The following ADARB2 variants were observed in gnomAD, a reference collection of about 807,000 sequenced individuals.
ADARB2 encodes inactive double-stranded RNA-specific editase B2.
ADARB2 carries 25 observed loss-of-function variants against 62.2 expected under a neutral mutation model. The observed-to-expected ratio is 0.40, with a 90% CI of 0.29 to 0.56. The LOEUF is 0.56. ADARB2 is among the 20% of genes least tolerant of loss of function. The pLI is 0.43. For synonymous variants in ADARB2, 572 were observed against 500.8 expected (o/e 1.14, Z -1.90); for missense variants, 1,071 against 1,077.4 (o/e 0.99, Z 0.08).
At chr10:1,488,653 C>G (rs2131929943) in intron 1 of ADARB2, among the ~76,000 whole-genome samples, 1 of 152,248 alleles carries the variant, frequency 6.6e-6, no homozygotes, top group East Asian at 1.9e-4. Context: ...AAAGGGAGGA[C>G]TTTTCTTTTT....
intron 1 of ADARB2, among the ~76,000 whole-genome samples, chr10:1,672,568 C>G (rs549511710): frequency 9.2e-4 from 140 of 152,280 alleles, no homozygotes; most frequent in Non-Finnish European, 1.8e-3. Flanking sequence ...TGCCTCCCCC[C>G]ATGCACGCGC....
intron 1 of ADARB2, among the ~76,000 whole-genome samples, chr10:1,435,548 C>G (rs1830826535): frequency 6.6e-6 from 1 of 152,222 alleles, no homozygotes. Context: ...CAGCCCTGGA[C>G]TGAGCCTGCC....
intron 1 of ADARB2, chr10:1,675,045 G>A (rs1834446728): frequency 1.0e-6 from 1 of 984,760 alleles, no homozygotes; most frequent in Non-Finnish European, 1.2e-6. Flanking sequence ...GGAGGTTTGG[G>A]TTTGGGGGTA....
intron 1 of ADARB2, among the ~76,000 whole-genome samples, chr10:1,670,886 G>C (rs1834375953): frequency 6.6e-6 from 1 of 152,086 alleles, no homozygotes; most frequent in African/African-American, 2.4e-5. Flanking sequence ...CCAGACAATG[G>C]GGAACTCAGA....
At chr10:1,596,356 A>T (rs973037160) in intron 1 of ADARB2, among the ~76,000 whole-genome samples, 1 of 152,194 alleles carries the variant, frequency 6.6e-6, no homozygotes, top group African/African-American at 2.4e-5. Flanking sequence ...GTATAAAGAA[A>T]ATCTTCCATG....
At chr10:1,366,367 G>A (rs759149482) in intron 2 of ADARB2, among the ~76,000 whole-genome samples, 3 of 152,282 alleles carry the variant, frequency 2.0e-5, no homozygotes, top group Middle Eastern at 3.4e-3. Flanking sequence ...ATGGCCCCAC[G>A]ACCTGCTGGG....
intron 1 of ADARB2, among the ~76,000 whole-genome samples, chr10:1,579,994 G>A (rs17156544): frequency 0.19 from 28,428 of 152,118 alleles, 3,155 homozygotes; most frequent in East Asian, 0.38. Flanking sequence ...CCCTGTTCAC[G>A]AAAACAGTCT....
At chr10:1,573,090 T>C (rs1832962260) in intron 1 of ADARB2, among the ~76,000 whole-genome samples, 1 of 152,188 alleles carries the variant, frequency 6.6e-6, no homozygotes, top group Non-Finnish European at 1.5e-5. Flanking sequence ...AGAACAGGGC[T>C]TTGGGCTTCA....
chr10:1,442,301 T>G (rs1830916711), intron 1 of ADARB2, among the ~76,000 whole-genome samples: 1 of 152,224 alleles, frequency 6.6e-6, no homozygotes, highest in African/African-American at 2.4e-5. Context: ...AATTTCTCCC[T>G]GGTTAGGTCT....
In ADARB2 at chr10:1,439,754, A is replaced by G. The variant is rs1435468763; in HGVS notation, c.101-60594T>C. On this transcript the variant is annotated intron_variant, in intron 1 of 9. Transcript: ENST00000381312. ...AGCAGATGGAGGCAGGTCCTTCATC[A>G]TGGGGCTCCTGAGTGTCCCCCAGGA... is the stretch of plus-strand genomic sequence containing the variant. Among the ~76,000 whole-genome samples, 5 of 139,216 alleles carry G rather than the reference A, an allele frequency of 3.6e-5. 1 individual carries two copies. The East Asian group carries it at 1.1e-3, about 30-fold the overall frequency. 91.3% of individuals were successfully genotyped at this position (139,216 alleles called of 152,430 possible).
chr10:1,408,359 C>T (rs936906656), intron 1 of ADARB2, among the ~76,000 whole-genome samples: 2 of 151,696 alleles, frequency 1.3e-5, no homozygotes, highest in Non-Finnish European at 2.9e-5. Flanking sequence ...TGTGTAGATA[C>T]GTGCTCACAT....
chr10:1,435,238 A>G (rs1479822723), intron 1 of ADARB2, among the ~76,000 whole-genome samples: 2 of 152,216 alleles, frequency 1.3e-5, no homozygotes, highest in Non-Finnish European at 2.9e-5. Context: ...GCAGGAGCTC[A>G]GACAGGTGTT....
intron 1 of ADARB2, among the ~76,000 whole-genome samples, chr10:1,616,462 T>C (rs1471604627): frequency 6.6e-6 from 1 of 151,302 alleles, no homozygotes; most frequent in Admixed American, 6.6e-5. Flanking sequence ...TGTGTGCCCG[T>C]CCAGACACAC....
At chr10:1,681,228 T>C (rs1157277990) in intron 1 of ADARB2, among the ~76,000 whole-genome samples, 1 of 152,224 alleles carries the variant, frequency 6.6e-6, no homozygotes, top group African/African-American at 2.4e-5. Flanking sequence ...AGAAAAAGTT[T>C]ACCTTGTAGT....
Position 1,306,597 on chromosome 10 carries a change from G to A in ADARB2, c.1078-35528C>T, listed in dbSNP as rs74477098. 2.8e-3 allele frequency among the ~76,000 whole-genome samples: 416 copies of A among 148,802 alleles called. 11 individuals are homozygous for A. Among genetic ancestry groups the A allele is most frequent in the Admixed American group, 0.02 (300 of 14,800 alleles). ...ATGGAACCAAAAAAGAGCCCGCATC[G>A]CTAAGTCAATCCTAAGCCAAAAGAA... is the stretch of plus-strand genomic sequence containing the variant. On this transcript the variant is annotated intron_variant, in intron 3 of 9. Transcript: ENST00000381312.
At chr10:1,335,237 G>C (rs78822257) in intron 3 of ADARB2, among the ~76,000 whole-genome samples, 1 of 150,696 alleles carries the variant, frequency 6.6e-6, no homozygotes, top group African/African-American at 2.5e-5. Context: ...GATGGAAGGA[G>C]GGATGGAGGG....
intron 1 of ADARB2, among the ~76,000 whole-genome samples, chr10:1,699,224 G>T (rs1834789619): frequency 6.6e-6 from 1 of 151,132 alleles, no homozygotes. Context: ...TCTACCAGGA[G>T]ACCAGGCGCT....
intron 4 of ADARB2, among the ~76,000 whole-genome samples, chr10:1,265,502 G>A (rs560058201): frequency 1.1e-4 from 16 of 152,376 alleles, no homozygotes; most frequent in African/African-American, 3.6e-4. Flanking sequence ...ATGGAGAGAA[G>A]GGGTGAGTGG....
At chr10:1,551,191 G>A (rs557441904) in intron 1 of ADARB2, among the ~76,000 whole-genome samples, 19 of 152,292 alleles carry the variant, frequency 1.2e-4, no homozygotes, top group Non-Finnish European at 2.2e-4. Flanking sequence ...GAGAGAAGAC[G>A]CCATCTGCAA....
Sources: allele counts gnomAD v4.1 joint callset (sites outside exome capture counted in the v4.1 genomes callset), GRCh38; gene constraint gnomAD v4.1.1; transcripts MANE v1.5; gene names NCBI Gene and HGNC (gene_info 2026-07-23, HGNC 2026-07-21).